Variants in RORB observed in about 807,000 individuals in gnomAD.
The protein encoded by RORB is RAR related orphan receptor B.
In RORB, 6 loss-of-function variants were observed where a neutral mutation model predicts 59.1. That is an observed-to-expected ratio of 0.10 (90% CI 0.06 to 0.20). The LOEUF (loss-of-function observed/expected upper bound fraction) is 0.20. Ranked by LOEUF, RORB falls within the 10% of genes least tolerant of loss-of-function variation. The pLI is 1.00. For synonymous variants in RORB, 215 were observed against 204.5 expected (o/e 1.05, Z -0.44); for missense variants, 320 against 560.5 (o/e 0.57, Z 4.33).
At chr9:74,646,907 G>A (rs574620629) in intron 4 of RORB, among the ~76,000 whole-genome samples, 8 of 152,222 alleles carry the variant, frequency 5.3e-5, no homozygotes, top group South Asian at 4.2e-4. Context: ...TGAGGGAGAC[G>A]GCAAGTATTG....
intron 4 of RORB, among the ~76,000 whole-genome samples, chr9:74,654,679 A>T (rs1436504788): frequency 1.3e-5 from 2 of 152,162 alleles, no homozygotes; most frequent in Non-Finnish European, 1.5e-5. Context: ...ACTTTCTGAG[A>T]CTTCTTTTTA....
rs1182588875 is a variant in RORB at position 74,692,404 on chromosome 9, T to C, written c.*6786T>C. 2.0e-5 allele frequency: 3 copies of C among 152,232 alleles called. No individual in the cohort carries two copies. The highest frequency in any genetic ancestry group is 4.4e-5 in the Non-Finnish European group (3 of 68,044). 9.4% of individuals were successfully genotyped at this position (152,232 alleles called of 1,614,324 possible). A position where few individuals can be genotyped will look rare whatever the true frequency, so the allele number is the denominator to read the frequency against. ...AACAATGCTTCCTTGCTTTTAGGAT[T>C]GAGAGAAATGATTTTCATATACTTC... On this transcript the variant is annotated 3_prime_UTR_variant, in exon 10 of 10. Transcript: ENST00000376896.
intron 1 of RORB, among the ~76,000 whole-genome samples, chr9:74,538,216 T>C (rs1216814974): frequency 6.6e-6 from 1 of 152,118 alleles, no homozygotes; most frequent in Non-Finnish European, 1.5e-5. Context: ...TTTAGACTTG[T>C]GTAAGTACAC....
intron 1 of RORB, among the ~76,000 whole-genome samples, chr9:74,565,904 A>C (rs570594395): frequency 5.8e-4 from 89 of 152,302 alleles, no homozygotes; most frequent in African/African-American, 2.1e-3. Context: ...AACTTCCCTG[A>C]TTAATGACAA....
intron 1 of RORB, among the ~76,000 whole-genome samples, chr9:74,543,481 A>AT (rs1347087356): frequency 2.6e-5 from 4 of 152,036 alleles, no homozygotes; most frequent in African/African-American, 4.8e-5. Flanking sequence ...TGTTGAGCCC[A>AT]TTTTTTGTTT....
intron 1 of RORB, among the ~76,000 whole-genome samples, chr9:74,602,067 A>G (rs552737093): frequency 6.2e-4 from 95 of 152,256 alleles, no homozygotes; most frequent in African/African-American, 2.2e-3. Flanking sequence ...CTATGTCATC[A>G]TGGCACATTT....
chr9:74,604,442 G>A (rs753745063), intron 1 of RORB, among the ~76,000 whole-genome samples: 10 of 152,188 alleles, frequency 6.6e-5, no homozygotes, highest in African/African-American at 9.7e-5. Context: ...GGACCCACTA[G>A]TTGCAAGGGC....
chr9:74,672,418 A>G (rs1256684406), intron 9 of RORB, among the ~76,000 whole-genome samples: 2 of 152,192 alleles, frequency 1.3e-5, no homozygotes, highest in African/African-American at 4.8e-5. Flanking sequence ...CAGGTATGTT[A>G]TAAATGACAT....
chr9:74,604,265 C>T (rs181322885), intron 1 of RORB, among the ~76,000 whole-genome samples: 3 of 152,254 alleles, frequency 2.0e-5, no homozygotes, highest in East Asian at 3.9e-4. Context: ...TTTTCATACC[C>T]TAAGCAATAT....
At chr9:74,546,143 G>A (rs1030646373) in intron 1 of RORB, among the ~76,000 whole-genome samples, 7 of 152,114 alleles carry the variant, frequency 4.6e-5, no homozygotes, top group Non-Finnish European at 8.8e-5. Context: ...TAAAAATGAC[G>A]AAGATTTCAA....
chr9:74,585,191 A>G (rs74570774), intron 1 of RORB, among the ~76,000 whole-genome samples: 114 of 152,336 alleles, frequency 7.5e-4, no homozygotes, highest in African/African-American at 2.7e-3. Context: ...AGCATTTTAT[A>G]ATTGTTAATC....
intron 1 of RORB, among the ~76,000 whole-genome samples, chr9:74,599,138 A>G (rs1823016593): frequency 6.6e-6 from 1 of 152,280 alleles, no homozygotes; most frequent in South Asian, 2.1e-4. Flanking sequence ...GGTGGTGACA[A>G]ACTCAAACCA....
chr9:74,611,802 C>T (rs921180723), intron 1 of RORB, among the ~76,000 whole-genome samples: 2 of 152,174 alleles, frequency 1.3e-5, no homozygotes, highest in African/African-American at 2.4e-5. Flanking sequence ...CACCCACCAC[C>T]CTGCCTGGCT....
intron 1 of RORB, among the ~76,000 whole-genome samples, chr9:74,625,833 G>A (rs1327665067): frequency 6.6e-6 from 1 of 152,210 alleles, no homozygotes; most frequent in Non-Finnish European, 1.5e-5. Context: ...AGAGTTGGAA[G>A]GGTGAGAATT....
At chr9:74,615,556 A>G (rs756693586) in intron 1 of RORB, 2 of 449,860 alleles carry the variant, frequency 4.4e-6, no homozygotes, top group African/African-American at 2.0e-5. Flanking sequence ...TCCCCAGTGA[A>G]AAGTATCATA....
At chr9:74,675,318 CAT>C (rs1009319536) in intron 9 of RORB, among the ~76,000 whole-genome samples, 30 of 148,064 alleles carry the variant, frequency 2.0e-4, no homozygotes, top group Admixed American at 4.0e-4. Flanking sequence ...AAAATACATA[CAT>C]ATATATATAT....
At chr9:74,515,853 G>C (rs1407863237) in intron 1 of RORB, among the ~76,000 whole-genome samples, 2 of 152,082 alleles carry the variant, frequency 1.3e-5, no homozygotes, top group Non-Finnish European at 2.9e-5. Context: ...CTTGAGCCAA[G>C]CTTTCAAATT....
At position 74,671,790 on chromosome 9, in the gene RORB, C is replaced by G; in HGVS notation, c.1113C>G (p.Asp371Glu). 1 of 1,605,666 alleles carries G rather than the reference C, an allele frequency of 6.2e-7. No individual in the cohort carries two copies. The highest frequency in any genetic ancestry group is 8.5e-7 in the Non-Finnish European group (1 of 1,174,198). Residue 371 changes from aspartate (D) to glutamate (E), a missense_variant and splice_region_variant, in exon 9 of 10, where the codon GAC (aspartate) becomes GAG (glutamate). Around this residue, in one of 4 missense-constraint regions of RORB, gnomAD observed 109 missense variants for 171.0 expected, o/e 0.64. Transcript: ENST00000376896. Reference sequence around the variant, plus strand: ...CTTACCCACTCTTTCTTTCATCAGACCGAGCCTGGCTTATAGAACCAAGGA... The same window carrying G: ...CTTACCCACTCTTTCTTTCATCAGAGCGAGCCTGGCTTATAGAACCAAGGA... ...LFSSAVLISP[D>E]RAWLIEPRKV...
chr9:74,668,003 C>A, intron 8 of RORB, 102 bp downstream of exon 8: 1 of 712,818 alleles, frequency 1.4e-6, no homozygotes, highest in Non-Finnish European at 2.5e-6. Context: ...GAAACTTTAA[C>A]AGAGCTATAT....
Sources: allele counts gnomAD v4.1 joint callset (sites outside exome capture counted in the v4.1 genomes callset), GRCh38; gene constraint gnomAD v4.1.1; regional missense constraint gnomAD v4.1.1; transcripts MANE v1.5; gene names NCBI Gene and HGNC (gene_info 2026-07-23, HGNC 2026-07-21).